SYT9: variants seen among roughly 807,000 people sequenced by gnomAD.
SYT9 encodes synaptotagmin-9.
Under a neutral mutation model 48.4 loss-of-function variants are expected in SYT9, and 22 were observed. The observed-to-expected ratio is 0.45, with a 90% CI of 0.32 to 0.65. SYT9 has a LOEUF of 0.65. Ranked by LOEUF, SYT9 falls within the 30% of genes least tolerant of loss-of-function variation. The probability of loss-of-function intolerance (pLI) is 0.03; values close to 1 mark genes in which losing one functional copy is unlikely to be tolerated. For missense variants in SYT9, 577 were observed against 622.0 expected (o/e 0.93, Z 0.77); for synonymous variants, 265 against 245.0 (o/e 1.08, Z -0.76).
At chr11:7,407,346 T>G (rs1365988654) in intron 3 of SYT9, among the ~76,000 whole-genome samples, 2 of 151,102 alleles carry the variant, frequency 1.3e-5, no homozygotes, top group Non-Finnish European at 2.9e-5. Context: ...TCAGGTCTTA[T>G]GTTTAAGTCT....
At chr11:7,243,061 T>A (rs1386658151) in intron 1 of SYT9, among the ~76,000 whole-genome samples, 3 of 151,794 alleles carry the variant, frequency 2.0e-5, no homozygotes, top group Non-Finnish European at 4.4e-5. Flanking sequence ...AATAAATAAA[T>A]AAATAAATAT....
At chr11:7,380,611 A>C (rs1459182125) in intron 3 of SYT9, among the ~76,000 whole-genome samples, 2 of 152,150 alleles carry the variant, frequency 1.3e-5, no homozygotes, top group East Asian at 3.9e-4. Context: ...AAAATATATA[A>C]GTAGCACAGC....
chr11:7,357,106 G>C (rs888984338), intron 3 of SYT9, among the ~76,000 whole-genome samples: 3 of 152,180 alleles, frequency 2.0e-5, no homozygotes, highest in Non-Finnish European at 4.4e-5. Context: ...AGTACCAGAA[G>C]AAGAGGATCA....
upstream of SYT9, among the ~76,000 whole-genome samples, chr11:7,248,441 C>T (rs1396006076): frequency 6.6e-6 from 1 of 152,124 alleles, no homozygotes; most frequent in African/African-American, 2.4e-5. Context: ...ATGTTATCTT[C>T]CAGAATTTTT....
chr11:7,369,414 C>G (rs1850313340), intron 3 of SYT9, among the ~76,000 whole-genome samples: 2 of 151,662 alleles, frequency 1.3e-5, no homozygotes, highest in Non-Finnish European at 2.9e-5. Context: ...AAAAATTTCT[C>G]CCATTCTGTA....
chr11:7,421,746 AG>A (rs371811568), intron 6 of SYT9, among the ~76,000 whole-genome samples: 1 of 152,374 alleles, frequency 6.6e-6, no homozygotes, highest in African/African-American at 2.4e-5. Flanking sequence ...TAATAGCTAC[AG>A]AAAATACAGA....
Position 7,314,869 on chromosome 11 carries a change from G to A in SYT9, c.1044+928G>A, listed in dbSNP as rs1020276228. 7.9e-5 allele frequency among the ~76,000 whole-genome samples: 12 copies of A among 152,278 alleles called. No individual in the cohort carries two copies. In the South Asian group the frequency reaches 1.2e-3, roughly 16 times the overall value. On this transcript the variant is annotated intron_variant, in intron 3 of 6. Transcript: ENST00000318881. ...GCATCCAAATGGACCAAGCACCACC[G>A]TCTTTATTCAGCTCAGACACTGATT...
In SYT9 at chr11:7,416,048, G is replaced by A. The variant is rs143031783; in HGVS notation, c.1051G>A (p.Val351Met). 120 of 1,614,158 alleles carry A rather than the reference G, an allele frequency of 7.4e-5. No homozygotes were observed. The highest frequency in any genetic ancestry group is 4.3e-4 in the African/African-American group (32 of 75,038). ...KDIEYVTNDNVDLGELMFSLC... is the reference protein window; with the variant it reads ...KDIEYVTNDNMDLGELMFSLC... ...GTTTGTGCTTTCTCAACAGGACAACGTGGATCTGGGAGAGCTGATGTTTTC... is the reference window on the plus strand; with the variant it reads ...GTTTGTGCTTTCTCAACAGGACAACATGGATCTGGGAGAGCTGATGTTTTC... The change falls in exon 4 of 7, where the codon GTG becomes ATG. Residue 351 changes from valine (V) to methionine (M), a missense_variant. Physicochemically the swap from Val to Met is conservative, Grantham distance 21 (BLOSUM62 1). Coordinates refer to ENST00000318881, the MANE Select transcript of SYT9 (RefSeq NM_175733.4).
chr11:7,289,919 C>G (rs1293858492), intron 1 of SYT9, among the ~76,000 whole-genome samples: 1 of 152,218 alleles, frequency 6.6e-6, no homozygotes, highest in Non-Finnish European at 1.5e-5. Context: ...AGGAAATTGA[C>G]TTCAAATCAT....
intron 6 of SYT9, among the ~76,000 whole-genome samples, chr11:7,458,412 C>T (rs1447281940): frequency 6.6e-6 from 1 of 152,096 alleles, no homozygotes; most frequent in Admixed American, 6.5e-5. Context: ...ACCTGGGAGG[C>T]AGAGGTTGCA....
At chr11:7,394,137 G>T (rs1371937914) in intron 3 of SYT9, among the ~76,000 whole-genome samples, 5 of 147,730 alleles carry the variant, frequency 3.4e-5, no homozygotes, top group African/African-American at 5.0e-5. Context: ...ACAGGCCCCA[G>T]TGTGTGATGT....
At chr11:7,290,941 A>G (rs907141319) in intron 1 of SYT9, among the ~76,000 whole-genome samples, 3 of 152,192 alleles carry the variant, frequency 2.0e-5, no homozygotes, top group African/African-American at 7.2e-5. Context: ...GGATTCAAGG[A>G]AAGGATCAAA....
chr11:7,282,451 A>G (rs1848513711), intron 1 of SYT9, among the ~76,000 whole-genome samples: 1 of 152,198 alleles, frequency 6.6e-6, no homozygotes, highest in Non-Finnish European at 1.5e-5. Context: ...GGGTTTTATA[A>G]AATATCCTTT....
intron 2 of SYT9, among the ~76,000 whole-genome samples, chr11:7,305,788 A>C (rs1849019959): frequency 6.6e-6 from 1 of 152,146 alleles, no homozygotes; most frequent in Non-Finnish European, 1.5e-5. Flanking sequence ...TCACAGTCTC[A>C]GGGTTCCCAG....
rs1850701987 is a variant in SYT9, at chr11:7,388,411, AG to A, written c.1045-27630del. The stretch of plus-strand genomic sequence containing the variant: ...GCCCCTTTCCTTTTTCTGTCTTGAA[AG>A]AGGGCTATTTTTATTTGCCTTTCAA... On this transcript the variant is annotated intron_variant, in intron 3 of 6. Transcript: ENST00000318881. Among the ~76,000 whole-genome samples, 5 of 152,206 alleles carry A rather than the reference AG, an allele frequency of 3.3e-5. No homozygotes were observed. In the South Asian group the frequency reaches 1.0e-3, roughly 32 times the overall value.
At chr11:7,360,709 C>G in intron 3 of SYT9, among the ~76,000 whole-genome samples, 1 of 152,152 alleles carries the variant, frequency 6.6e-6, no homozygotes, top group East Asian at 1.9e-4. Context: ...TTTCCTCTCT[C>G]CTACTGTTCA....
At chr11:7,323,034 C>T (rs1348987186) in intron 3 of SYT9, among the ~76,000 whole-genome samples, 1 of 151,942 alleles carries the variant, frequency 6.6e-6, no homozygotes, top group African/African-American at 2.4e-5. Context: ...TGTTGTTTTG[C>T]AGCATGATTT....
At chr11:7,347,795 G>C (rs781435741) in intron 3 of SYT9, among the ~76,000 whole-genome samples, 1 of 152,208 alleles carries the variant, frequency 6.6e-6, no homozygotes, top group Non-Finnish European at 1.5e-5. Context: ...AGTGAGGACA[G>C]AGCGTGAAAG....
chr11:7,391,735 TAAAAAAAAAAA>T (rs71059104), intron 3 of SYT9, among the ~76,000 whole-genome samples: 6 of 35,942 alleles, frequency 1.7e-4, no homozygotes, highest in Admixed American at 4.5e-4. Context: ...ACCCCATCTC[TAAAAAAAAAAA>T]AAAAAAAAAA....
Sources: gnomAD v4.1 joint callset for allele counts (sites outside exome capture counted in the v4.1 genomes callset) on GRCh38, gnomAD v4.1.1 for gene constraint, MANE v1.5 for transcripts, NCBI Gene and HGNC (gene_info 2026-07-23, HGNC 2026-07-21) for gene names.